Variants in TRRAP observed in about 807,000 individuals in gnomAD.
TRRAP encodes transformation/transcription domain associated protein, also known as transformation/transcription domain-associated protein.
A neutral mutation model predicts 438.8 loss-of-function variants in TRRAP; 41 were observed. The observed-to-expected ratio is 0.09, with a 90% CI of 0.07 to 0.12. TRRAP has a LOEUF of 0.12. Ranked by LOEUF, TRRAP falls within the 10% of genes least tolerant of loss-of-function variation. The pLI, the probability that TRRAP is intolerant of heterozygous loss-of-function variation, is 1.00. For synonymous variants in TRRAP, 1,994 were observed against 1,962.9 expected (o/e 1.02, Z -0.42); for missense variants, 3,122 against 5,055.1 (o/e 0.62, Z 11.60).
rs111301624 is a variant in TRRAP, at chr7:98,998,700, A to G, written c.10309+3852A>G. On this transcript the variant is annotated intron_variant, in intron 67 of 72. Transcript: ENST00000456197. Reference sequence around the variant, plus strand: ...AGCCTGCAGCCAGTACATGGCATCCACCTCACTTCTCTATGTGAATTCCAC... The same window carrying G: ...AGCCTGCAGCCAGTACATGGCATCCGCCTCACTTCTCTATGTGAATTCCAC... 598 of 169,536 alleles carry G rather than the reference A, an allele frequency of 3.5e-3. 2 individuals are homozygous for G. Among genetic ancestry groups the G allele is most frequent in the African/African-American group, 0.013 (523 of 41,516 alleles). The allele number at this position is 169,536 out of a possible 1,614,324, so 10.5% of individuals were successfully genotyped here.
intron 30 of TRRAP, among the ~76,000 whole-genome samples, chr7:98,938,291 A>G (rs1364254373): frequency 6.6e-6 from 1 of 152,220 alleles, no homozygotes; most frequent in African/African-American, 2.4e-5. Flanking sequence ...GTGAGCCGAG[A>G]TGGCATCACT....
At chr7:98,945,823 C>G (rs376762549) in intron 32 of TRRAP, 23 bp downstream of exon 32, 5 of 1,595,484 alleles carry the variant, frequency 3.1e-6, no homozygotes, top group Non-Finnish European at 3.4e-6. Context: ...TATTAACAGT[C>G]AGTTTCTGAC....
intron 41 of TRRAP, among the ~76,000 whole-genome samples, chr7:98,955,618 AT>A (rs1163695802): frequency 2.0e-5 from 3 of 152,058 alleles, no homozygotes; most frequent in Non-Finnish European, 4.4e-5. Flanking sequence ...TTGACTCTAG[AT>A]TTCCATCACC....
rs1796432032 is a variant in TRRAP at position 98,900,681 on chromosome 7, A to G, written c.858A>G (p.Lys286=). ...LYADFIAAQI[K]TLSFLAYIIR... is the part of the protein sequence containing the mutation. Reference sequence around the variant, plus strand: ...CTGACTTCATTGCTGCTCAGATTAAAACATTGTCATTTTTAGCTTACATTA... The same window carrying G: ...CTGACTTCATTGCTGCTCAGATTAAGACATTGTCATTTTTAGCTTACATTA... The change falls in exon 11 of 73, where the codon AAA becomes AAG. Residue 286 remains lysine (K), a synonymous_variant. Transcript: ENST00000456197. 6.2e-7 allele frequency: 1 copy of G among 1,613,722 alleles called. No homozygotes were observed. Among genetic ancestry groups the G allele is most frequent in the East Asian group, 2.2e-5 (1 of 44,846 alleles).
At chr7:98,887,501 C>T (rs1185473458) in intron 3 of TRRAP, among the ~76,000 whole-genome samples, 1 of 151,904 alleles carries the variant, frequency 6.6e-6, no homozygotes, top group African/African-American at 2.4e-5. Context: ...CTCCTGGGGC[C>T]GCCTCCCATA....
At chr7:98,922,006 T>G in intron 21 of TRRAP, 53 bp downstream of exon 21, 1 of 1,609,416 alleles carries the variant, frequency 6.2e-7, no homozygotes, top group East Asian at 2.2e-5. Flanking sequence ...GATACTATGT[T>G]TCAGTCTATG....
intron 25 of TRRAP, 116 bp from the exon 26 acceptor site, chr7:98,931,288 TG>T: frequency 6.9e-7 from 1 of 1,448,608 alleles, no homozygotes; most frequent in Non-Finnish European, 9.2e-7. Flanking sequence ...TTAAAGCAGC[TG>T]GCGAGAAGGG....
At chr7:98,953,881 G>A (rs1791463301) in intron 40 of TRRAP, among the ~76,000 whole-genome samples, 1 of 152,248 alleles carries the variant, frequency 6.6e-6, no homozygotes, top group South Asian at 2.1e-4. Context: ...GACTGTCCAC[G>A]TTCTCCCTTC....
At chr7:98,970,944 G>A (rs1792389291) in intron 52 of TRRAP, among the ~76,000 whole-genome samples, 1 of 152,086 alleles carries the variant, frequency 6.6e-6, no homozygotes, top group Non-Finnish European at 1.5e-5. Context: ...ATGAAGTAGT[G>A]GCTGCCGCTG....
chr7:98,905,016 C>G (rs1372329522), intron 12 of TRRAP, among the ~76,000 whole-genome samples: 1 of 152,198 alleles, frequency 6.6e-6, no homozygotes, highest in Non-Finnish European at 1.5e-5. Flanking sequence ...TCAGCATTTT[C>G]CTAGAGATTC....
chr7:98,995,162 C>T (rs1793593356), intron 67 of TRRAP, among the ~76,000 whole-genome samples: 1 of 152,082 alleles, frequency 6.6e-6, no homozygotes. Context: ...TGGTGGGAAA[C>T]AGGGTAGGGT....
In TRRAP at chr7:98,951,593, G is replaced by A. The variant is rs3823738; in HGVS notation, c.5463+589G>A. ...GTATTGATCTTCACTGTTAAAGGCC[G>A]TGTTTGCCCTGAGATTCTCACACTG... On this transcript the variant is annotated intron_variant, in intron 39 of 72. Transcript: ENST00000456197. 8.4e-3 allele frequency among the ~76,000 whole-genome samples: 1,281 copies of A among 152,326 alleles called. 46 individuals are homozygous for A. In the East Asian group the frequency reaches 0.09, roughly 11 times the overall value.
At chr7:98,945,598 G>A in intron 31 of TRRAP, 149 bp from the exon 32 acceptor site, 1 of 839,110 alleles carries the variant, frequency 1.2e-6, no homozygotes, top group Non-Finnish European at 1.8e-6. Flanking sequence ...TTTTGCTGTT[G>A]AGCATTTGTT....
intron 58 of TRRAP, 145 bp downstream of exon 58, chr7:98,979,049 A>G (rs1163037062): frequency 1.0e-6 from 1 of 968,302 alleles, no homozygotes; most frequent in Non-Finnish European, 1.5e-6. Context: ...TTGATTGTCT[A>G]ACACCTTTCC....
chr7:98,945,279 G>A (rs1185068839), intron 31 of TRRAP, among the ~76,000 whole-genome samples: 2 of 152,188 alleles, frequency 1.3e-5, no homozygotes, highest in African/African-American at 4.8e-5. Flanking sequence ...TAGGAAGACT[G>A]CTTACTTTAC....
At position 98,956,090 on chromosome 7, in the gene TRRAP, T is replaced by A. The variant is rs1791588552; in HGVS notation, c.5938-56T>A. ...GTGTGTGCACGTGCGCACACGTGCA[T>A]GCACTGTGGGACCAAGCTCCCATGT... is the stretch of plus-strand genomic sequence containing the variant. On this transcript the variant is annotated intron_variant, in intron 41 of 72. Transcript: ENST00000456197. The surrounding 1 kb of genome is among the most constrained non-coding windows in gnomAD (Gnocchi z 4.5). The A allele has an allele frequency of 6.4e-7, 1 of 1,564,130 alleles. No individual in the cohort carries two copies.
chr7:98,997,083 G>A (rs1793697124), intron 67 of TRRAP, among the ~76,000 whole-genome samples: 1 of 151,878 alleles, frequency 6.6e-6, no homozygotes, highest in Non-Finnish European at 1.5e-5. Context: ...AGGTGGGCGG[G>A]TCACTTGAGG....
chr7:98,941,472 G>A (rs1790794104), intron 30 of TRRAP, among the ~76,000 whole-genome samples: 1 of 152,180 alleles, frequency 6.6e-6, no homozygotes, highest in African/African-American at 2.4e-5. Flanking sequence ...GCCTGGCCAT[G>A]TGCTTGATTG....
chr7:98,953,480 C>G (rs1554418754), intron 40 of TRRAP, 47 bp downstream of exon 40: 9 of 1,592,586 alleles, frequency 5.7e-6, no homozygotes, highest in Non-Finnish European at 7.7e-6. Flanking sequence ...GTGAATCTCA[C>G]ATGGTGCACT....
Sources: gnomAD v4.1 joint callset for allele counts (sites outside exome capture counted in the v4.1 genomes callset) on GRCh38, gnomAD v4.1.1 for gene constraint, Gnocchi (gnomAD v3.1) non-coding constraint, MANE v1.5 for transcripts, NCBI Gene and HGNC (gene_info 2026-07-23, HGNC 2026-07-21) for gene names.